AJAP1: variants seen among roughly 807,000 people sequenced by gnomAD.
The protein encoded by AJAP1 is adherens junctions associated protein 1.
AJAP1 carries 5 observed loss-of-function variants against 35.0 expected under a neutral mutation model. The ratio of observed to expected loss-of-function variants is 0.14; its 90% CI spans 0.07 to 0.30. The LOEUF (loss-of-function observed/expected upper bound fraction) is 0.30. AJAP1 is among the 10% of genes least tolerant of loss of function. The probability of loss-of-function intolerance (pLI) is 1.00; values close to 1 mark genes in which losing one functional copy is unlikely to be tolerated. For synonymous variants in AJAP1, 284 were observed against 249.3 expected (o/e 1.14, Z -1.31); for missense variants, 586 against 571.0 (o/e 1.03, Z -0.27).
chr1:4,686,433 G>A (rs757586579), intron 1 of AJAP1, among the ~76,000 whole-genome samples: 14 of 152,132 alleles, frequency 9.2e-5, no homozygotes, highest in Non-Finnish European at 1.5e-4. Flanking sequence ...CCCTGAGTGC[G>A]TGGGTAAGTC....
At chr1:4,694,396 C>A (rs1222126063) in intron 1 of AJAP1, among the ~76,000 whole-genome samples, 1 of 152,156 alleles carries the variant, frequency 6.6e-6, no homozygotes, top group African/African-American at 2.4e-5. Flanking sequence ...CTTGGCGTGG[C>A]CATGTCACCT....
rs141933024 is a variant in AJAP1 at position 4,708,467 on chromosome 1, G to T, written c.30-3433G>T. On this transcript the variant is annotated intron_variant, in intron 1 of 5. Transcript: ENST00000378191. ...GTGCCATGGATGCCCTATGGGGTGA[G>T]GCCCTCCCGAAATCTGTTCATCATG... Among the ~76,000 whole-genome samples, 966 of 152,306 alleles carry T rather than the reference G, an allele frequency of 6.3e-3. 9 individuals are homozygous for T. Among genetic ancestry groups the T allele is most frequent in the African/African-American group, 0.022 (908 of 41,570 alleles).
chr1:4,774,585 G>A, intron 5 of AJAP1, 27 bp downstream of exon 5: 1 of 1,384,626 alleles, frequency 7.2e-7, no homozygotes, highest in South Asian at 1.2e-5. Flanking sequence ...GGACATTCCT[G>A]TTTTCGTTCC....
intron 1 of AJAP1, among the ~76,000 whole-genome samples, chr1:4,705,580 G>A (rs1240181595): frequency 6.6e-6 from 1 of 151,412 alleles, no homozygotes. Flanking sequence ...GCAGGGAGGG[G>A]TCCTGTTGAG....
chr1:4,716,771 G>A (rs1395864535), intron 2 of AJAP1, among the ~76,000 whole-genome samples: 1 of 152,144 alleles, frequency 6.6e-6, no homozygotes, highest in Non-Finnish European at 1.5e-5. Context: ...TGATAGTGAT[G>A]ATGATGCTGT....
At chr1:4,716,423 TG>T (rs1640390502) in intron 2 of AJAP1, among the ~76,000 whole-genome samples, 1 of 152,196 alleles carries the variant, frequency 6.6e-6, no homozygotes. Context: ...AGACAGAGTG[TG>T]CCAAGTACTC....
At chr1:4,657,245 C>T (rs983008516) in intron 1 of AJAP1, among the ~76,000 whole-genome samples, 4 of 152,332 alleles carry the variant, frequency 2.6e-5, no homozygotes, top group African/African-American at 9.6e-5. Flanking sequence ...CAAGCCGGAT[C>T]TTGGGATTTT....
At chr1:4,721,978 A>G (rs1237731437) in intron 2 of AJAP1, among the ~76,000 whole-genome samples, 1 of 152,168 alleles carries the variant, frequency 6.6e-6, no homozygotes, top group Non-Finnish European at 1.5e-5. Flanking sequence ...ACGTGCATAT[A>G]TACAGCATTT....
chr1:4,767,524 C>T (rs71640947), intron 2 of AJAP1, among the ~76,000 whole-genome samples: 17,335 of 149,312 alleles, frequency 0.12, 1,278 homozygotes, highest in East Asian at 0.34. Context: ...ATCACCACCA[C>T]CATCACCATT....
intron 5 of AJAP1, among the ~76,000 whole-genome samples, chr1:4,781,945 T>G (rs1315607427): frequency 6.6e-6 from 1 of 152,162 alleles, no homozygotes. Flanking sequence ...TGTGCCCAGG[T>G]GGGACTCGCC....
intron 2 of AJAP1, among the ~76,000 whole-genome samples, chr1:4,759,022 T>A (rs1460551287): frequency 6.6e-6 from 1 of 152,182 alleles, no homozygotes; most frequent in East Asian, 1.9e-4. Flanking sequence ...TTGAACCAGC[T>A]CCAAACTTGG....
intron 2 of AJAP1, among the ~76,000 whole-genome samples, chr1:4,738,030 C>T (rs961758723): frequency 2.0e-5 from 3 of 152,274 alleles, no homozygotes; most frequent in African/African-American, 7.2e-5. Context: ...GTGCAAAGCA[C>T]CTGCCTGGGG....
In AJAP1 at chr1:4,720,946, G is replaced by C. The variant is rs1454426075; in HGVS notation, c.829+8247G>C. Reference sequence around the variant, plus strand: ...CTTAATGTGCCAGGTCAACACACCTGAGGCGTGGTTTGTGTGAGCCCCATG... The same window carrying C: ...CTTAATGTGCCAGGTCAACACACCTCAGGCGTGGTTTGTGTGAGCCCCATG... On this transcript the variant is annotated intron_variant, in intron 2 of 5. Transcript: ENST00000378191. This position sits in a 1 kb window ranked among gnomAD's most constrained non-coding sequence, Gnocchi z 4.4. Among the ~76,000 whole-genome samples, 1 of 152,196 alleles carries C rather than the reference G, an allele frequency of 6.6e-6. No homozygotes were observed. Among genetic ancestry groups the C allele is most frequent in the Non-Finnish European group, 1.5e-5 (1 of 68,038 alleles).
intron 1 of AJAP1, among the ~76,000 whole-genome samples, chr1:4,667,624 C>T (rs529303510): frequency 1.1e-4 from 16 of 152,328 alleles, no homozygotes; most frequent in African/African-American, 2.6e-4. Flanking sequence ...TGACAGGAGG[C>T]GGAGCTCAGA....
intron 2 of AJAP1, among the ~76,000 whole-genome samples, chr1:4,757,007 G>A (rs1357636590): frequency 2.6e-5 from 4 of 152,130 alleles, no homozygotes; most frequent in Non-Finnish European, 4.4e-5. Context: ...TGGCAGAGCC[G>A]GGGGTTCCCT....
At chr1:4,761,355 G>A (rs1439161597) in intron 2 of AJAP1, among the ~76,000 whole-genome samples, 1 of 152,168 alleles carries the variant, frequency 6.6e-6, no homozygotes, top group African/African-American at 2.4e-5. Flanking sequence ...AGTCCCGTCT[G>A]TAACACTCTG....
chr1:4,659,851 G>A (rs767048009), intron 1 of AJAP1, among the ~76,000 whole-genome samples: 13 of 152,240 alleles, frequency 8.5e-5, no homozygotes, highest in Non-Finnish European at 1.6e-4. Flanking sequence ...TGCCATGTCA[G>A]TTTACCATTG....
rs923360312 is a variant in AJAP1 at position 4,734,582 on chromosome 1, T to G, written c.829+21883T>G. Among the ~76,000 whole-genome samples the G allele has an allele frequency of 1.2e-4, 19 of 152,266 alleles. No individual in the cohort carries two copies. Among genetic ancestry groups the G allele is most frequent in the African/African-American group, 4.6e-4 (19 of 41,554 alleles). Reference sequence around the variant, plus strand: ...GTATGGTATTTTACAAAGTAGGAAGTGGAGACAGGGATTAAGGAGTCTGTC... The same window carrying G: ...GTATGGTATTTTACAAAGTAGGAAGGGGAGACAGGGATTAAGGAGTCTGTC... On this transcript the variant is annotated intron_variant, in intron 2 of 5. Coordinates refer to ENST00000378191, the MANE Select transcript of AJAP1 (RefSeq NM_018836.4). The surrounding 1 kb of genome is among the most constrained non-coding windows in gnomAD (Gnocchi z 4.3).
chr1:4,708,347 C>G (rs1325655688), intron 1 of AJAP1, among the ~76,000 whole-genome samples: 1 of 152,170 alleles, frequency 6.6e-6, no homozygotes, highest in Non-Finnish European at 1.5e-5. Context: ...ACAGCCTCGC[C>G]TCCTGATGGT....
Sources: allele counts gnomAD v4.1 joint callset (sites outside exome capture counted in the v4.1 genomes callset), GRCh38; gene constraint gnomAD v4.1.1; non-coding constraint Gnocchi (gnomAD v3.1); transcripts MANE v1.5; gene names NCBI Gene and HGNC (gene_info 2026-07-23, HGNC 2026-07-21).